The following FTO variants were observed in gnomAD, a reference collection of about 807,000 sequenced individuals.
FTO encodes the protein alpha-ketoglutarate-dependent dioxygenase FTO.
Under a neutral mutation model 63.9 loss-of-function variants are expected in FTO, and 47 were observed. That is an observed-to-expected ratio of 0.74 (90% CI 0.58 to 0.94). The LOEUF is 0.94. FTO is among the 40% of genes least tolerant of loss of function. FTO has a pLI of 0.00. For synonymous variants in FTO, 207 were observed against 224.4 expected (o/e 0.92, Z 0.69); for missense variants, 562 against 618.1 (o/e 0.91, Z 0.96).
chr16:53,839,769 C>CTTTT (rs146746378), intron 3 of FTO, among the ~76,000 whole-genome samples: 21 of 144,150 alleles, frequency 1.5e-4, no homozygotes, highest in South Asian at 2.1e-4. Flanking sequence ...AATTGGTTTT[C>CTTTT]TTTTTTTTTA....
intron 7 of FTO, among the ~76,000 whole-genome samples, chr16:53,919,069 C>T (rs755507144): frequency 5.3e-5 from 8 of 152,152 alleles, no homozygotes; most frequent in Non-Finnish European, 7.4e-5. Context: ...TAGTTTTGGG[C>T]ACAGGCGCCT....
chr16:54,055,396 C>G (rs1259774815), intron 8 of FTO, among the ~76,000 whole-genome samples: 2 of 152,216 alleles, frequency 1.3e-5, no homozygotes, highest in Non-Finnish European at 2.9e-5. Context: ...AGACCTTGAT[C>G]CAGATACTGA....
intron 8 of FTO, among the ~76,000 whole-genome samples, chr16:54,055,907 G>GAACA (rs2144356899): frequency 6.6e-6 from 1 of 152,262 alleles, no homozygotes; most frequent in Admixed American, 6.5e-5. Flanking sequence ...GAAGAATGAA[G>GAACA]GTGTTTTGAT....
At chr16:53,803,888 A>T (rs985128931) in intron 1 of FTO, among the ~76,000 whole-genome samples, 2 of 152,240 alleles carry the variant, frequency 1.3e-5, no homozygotes, top group Non-Finnish European at 2.9e-5. Context: ...CACTGAGGCT[A>T]ATTAATATCT....
chr16:53,826,479 T>G lies in FTO; in HGVS notation c.739T>G (p.Tyr247Asp). 1 of 1,614,072 alleles carries G rather than the reference T, an allele frequency of 6.2e-7. No individual in the cohort carries two copies. Among genetic ancestry groups the G allele is most frequent in the South Asian group, 1.1e-5 (1 of 91,064 alleles). ...VDRSAVAVYSYSCEGPEEESE... is the reference protein window; with the variant it reads ...VDRSAVAVYSDSCEGPEEESE... Reference sequence around the variant, plus strand: ...CAGGTCAGCGGTGGCAGTGTACAGTTATAGCTGTGAAGGTACAGTCTGCTC... The same window carrying G: ...CAGGTCAGCGGTGGCAGTGTACAGTGATAGCTGTGAAGGTACAGTCTGCTC... Residue 247 changes from tyrosine (Y) to aspartate (D), a missense_variant, in exon 3 of 9, where the codon TAT (tyrosine) becomes GAT (aspartate). Physicochemically the swap from Tyr to Asp is radical, Grantham distance 160. Transcript: ENST00000471389.
rs1014205147 is a variant in FTO, at chr16:53,930,221, C to CTTTTTT, written c.1240-3743_1240-3738dup. On this transcript the variant is annotated intron_variant, in intron 7 of 8. Transcript: ENST00000471389. ...TTATATTTACTTTTATGATTATCTT[C>CTTTTTT]TTTTTTTTTTTTTTTTTTTTTTTTT... 1.8e-4 allele frequency among the ~76,000 whole-genome samples: 14 copies of CTTTTTT among 75,704 alleles called. 2 individuals carry two copies. Among genetic ancestry groups the CTTTTTT allele is most frequent in the African/African-American group, 4.7e-4 (8 of 16,978 alleles). 49.7% of individuals were successfully genotyped at this position (75,704 alleles called of 152,430 possible).
At chr16:53,760,007 A>G (rs578245818) in intron 1 of FTO, among the ~76,000 whole-genome samples, 13 of 152,110 alleles carry the variant, frequency 8.5e-5, no homozygotes, top group African/African-American at 2.9e-4. Context: ...TGAGAGAAAG[A>G]ATCTAGGGTC....
At chr16:53,768,471 C>G (rs996174253) in intron 1 of FTO, among the ~76,000 whole-genome samples, 2 of 152,148 alleles carry the variant, frequency 1.3e-5, no homozygotes, top group Non-Finnish European at 2.9e-5. Flanking sequence ...GGGGTTGTGG[C>G]TTTTTTTGAG....
At chr16:53,922,439 A>G (rs2082028855) in intron 7 of FTO, among the ~76,000 whole-genome samples, 1 of 152,202 alleles carries the variant, frequency 6.6e-6, no homozygotes, top group South Asian at 2.1e-4. Flanking sequence ...TTCTGGTGTG[A>G]GGATAATTTC....
chr16:53,852,831 T>A (rs1222522024), intron 4 of FTO, among the ~76,000 whole-genome samples: 3 of 152,232 alleles, frequency 2.0e-5, no homozygotes, highest in Admixed American at 1.3e-4. Flanking sequence ...TCTTTTTTTT[T>A]ACTCTTACTG....
intron 8 of FTO, among the ~76,000 whole-genome samples, chr16:54,006,710 A>G (rs932090237): frequency 6.6e-6 from 1 of 152,236 alleles, no homozygotes; most frequent in Non-Finnish European, 1.5e-5. Context: ...TCAAAACTGC[A>G]GAGAACTAGA....
At chr16:53,725,166 T>C (rs2076126374) in intron 1 of FTO, among the ~76,000 whole-genome samples, 1 of 152,210 alleles carries the variant, frequency 6.6e-6, no homozygotes, top group Admixed American at 6.5e-5. Context: ...AACTTTCTTT[T>C]ATCTTTCCTG....
At chr16:54,048,556 A>G (rs2085239222) in intron 8 of FTO, among the ~76,000 whole-genome samples, 1 of 152,236 alleles carries the variant, frequency 6.6e-6, no homozygotes, top group Admixed American at 6.5e-5. Flanking sequence ...AATTGGGTGA[A>G]GATCACTTCA....
At chr16:53,758,729 G>A (rs939140842) in intron 1 of FTO, among the ~76,000 whole-genome samples, 1 of 152,004 alleles carries the variant, frequency 6.6e-6, no homozygotes, top group African/African-American at 2.4e-5. Flanking sequence ...GAACCCAGAG[G>A]AACAGGAAAA....
chr16:53,947,768 A>G (rs1278147543), intron 8 of FTO, among the ~76,000 whole-genome samples: 2 of 152,228 alleles, frequency 1.3e-5, no homozygotes, highest in Non-Finnish European at 2.9e-5. Flanking sequence ...TTAATGACTG[A>G]ACACAAGTCT....
chr16:54,029,540 T>C (rs2084784547), intron 8 of FTO, among the ~76,000 whole-genome samples: 1 of 152,196 alleles, frequency 6.6e-6, no homozygotes, highest in African/African-American at 2.4e-5. Context: ...CTTTGCAAAG[T>C]GTTCATTAGT....
At chr16:54,020,551 T>A (rs536074313) in intron 8 of FTO, among the ~76,000 whole-genome samples, 5 of 152,052 alleles carry the variant, frequency 3.3e-5, no homozygotes, top group African/African-American at 1.2e-4. Context: ...ACTGCTTGAA[T>A]AGATGATGGG....
intron 8 of FTO, among the ~76,000 whole-genome samples, chr16:54,002,951 C>A (rs1192664193): frequency 6.6e-6 from 1 of 152,218 alleles, no homozygotes; most frequent in African/African-American, 2.4e-5. Flanking sequence ...TGCATCCTCC[C>A]CTGGGGGGCT....
At chr16:53,918,248 G>A (rs896718051) in intron 7 of FTO, among the ~76,000 whole-genome samples, 1 of 152,140 alleles carries the variant, frequency 6.6e-6, no homozygotes, top group Non-Finnish European at 1.5e-5. Context: ...ACATCATAGA[G>A]TGTACTTACA....
Sources: allele counts gnomAD v4.1 joint callset (sites outside exome capture counted in the v4.1 genomes callset), GRCh38; gene constraint gnomAD v4.1.1; transcripts MANE v1.5; gene names NCBI Gene and HGNC (gene_info 2026-07-23, HGNC 2026-07-21).